Variants in MYO1D observed in about 807,000 individuals in gnomAD.
MYO1D encodes the protein myosin ID.
In MYO1D, 83 loss-of-function variants were observed where a neutral mutation model predicts 122.0. That is an observed-to-expected ratio of 0.68 (90% CI 0.57 to 0.82). MYO1D has a LOEUF of 0.82. Ranked by LOEUF, MYO1D falls within the 40% of genes least tolerant of loss-of-function variation. The pLI is 0.00. For synonymous variants in MYO1D, 464 were observed against 446.9 expected, an observed-to-expected ratio of 1.04 and a Z score of -0.48; for missense variants, 1,157 against 1,269.5, an observed-to-expected ratio of 0.91 and a Z score of 1.35.
Position 32,544,139 on chromosome 17 carries a change from A to G in MYO1D, c.2865-49224T>C, listed in dbSNP as rs139746158. On this transcript the variant is annotated intron_variant, in intron 21 of 21. Coordinates refer to ENST00000318217, the MANE Select transcript of MYO1D (RefSeq NM_015194.3). ...GAGACAGGGTCTCACTCTGTTGCCC[A>G]CACTGGAGTGCAGTGGCATGACCAC... 9.4e-4 allele frequency among the ~76,000 whole-genome samples: 138 copies of G among 147,230 alleles called. 2 individuals are homozygous for G. The East Asian group carries it at 0.021, about 22-fold the overall frequency.
chr17:32,667,815 C>G (rs1338917423), intron 16 of MYO1D, among the ~76,000 whole-genome samples: 1 of 152,194 alleles, frequency 6.6e-6, no homozygotes, highest in Non-Finnish European at 1.5e-5. Context: ...ATTAACCTTG[C>G]AATTCTTTAG....
intron 20 of MYO1D, among the ~76,000 whole-genome samples, chr17:32,628,398 T>A (rs1480276946): frequency 6.6e-6 from 1 of 152,238 alleles, no homozygotes; most frequent in South Asian, 2.1e-4. Context: ...GTGAGAACAG[T>A]GTTTGCTGAA....
At chr17:32,594,694 T>C in intron 21 of MYO1D, 3 of 432,228 alleles carry the variant, frequency 6.9e-6, no homozygotes, top group Admixed American at 4.1e-5. Flanking sequence ...GAGACATCTA[T>C]TCAGTTCTGA....
At chr17:32,537,754 C>A (rs1910706140) in intron 21 of MYO1D, among the ~76,000 whole-genome samples, 1 of 152,152 alleles carries the variant, frequency 6.6e-6, no homozygotes, top group Non-Finnish European at 1.5e-5. Context: ...CTGAAGGAAA[C>A]AATGCTTACA....
At position 32,638,706 on chromosome 17, in the gene MYO1D, A is replaced by G. The variant is rs778838788; in HGVS notation, c.2709+16T>C. 1 of 1,543,076 alleles carries G rather than the reference A, an allele frequency of 6.5e-7. No individual in the cohort carries two copies. The highest frequency in any genetic ancestry group is 1.1e-5 in the South Asian group (1 of 88,884). On this transcript the variant is annotated intron_variant, in intron 20 of 21. Transcript: ENST00000318217. ...GGTTAAGAATCTTTATCCAGAGAGAAGCACAGAGGACTTACATTGTATAGA... is the reference window on the plus strand; with the variant it reads ...GGTTAAGAATCTTTATCCAGAGAGAGGCACAGAGGACTTACATTGTATAGA...
rs1908973765 is a variant in MYO1D at position 32,493,697 on chromosome 17, CCA to C, written c.*1060_*1061del. 2 of 152,488 alleles carry C rather than the reference CCA, an allele frequency of 1.3e-5. No individual in the cohort carries two copies. The highest frequency in any genetic ancestry group is 4.8e-5 in the African/African-American group (2 of 41,594). 9.4% of individuals were successfully genotyped at this position (152,488 alleles called of 1,614,324 possible). A position where few individuals can be genotyped will look rare whatever the true frequency, so the allele number is the denominator to read the frequency against. ...GGCAAGCTGGCAGTGCTCCCTGGCA[CCA>C]GTTTCACGGGCGCAGGCCCCAAGGG... is the stretch of plus-strand genomic sequence containing the variant. On this transcript the variant is annotated 3_prime_UTR_variant, in exon 22 of 22. Transcript: ENST00000318217.
chr17:32,817,444 T>C (rs1598123225), intron 1 of MYO1D, among the ~76,000 whole-genome samples: 1 of 152,214 alleles, frequency 6.6e-6, no homozygotes. Context: ...ATACATTCTA[T>C]GCCTTTTGAA....
At chr17:32,783,326 C>T (rs760307525) in intron 1 of MYO1D, among the ~76,000 whole-genome samples, 3 of 151,986 alleles carry the variant, frequency 2.0e-5, no homozygotes, top group Non-Finnish European at 2.9e-5. Context: ...ACTAATAGAC[C>T]ATTATGCTCT....
At chr17:32,586,242 T>C (rs1290234934) in intron 21 of MYO1D, among the ~76,000 whole-genome samples, 1 of 152,208 alleles carries the variant, frequency 6.6e-6, no homozygotes, top group Non-Finnish European at 1.5e-5. Flanking sequence ...CCTCTTAAAA[T>C]TCAGGGGGAA....
chr17:32,532,853 G>A (rs1465582772), intron 21 of MYO1D, among the ~76,000 whole-genome samples: 1 of 152,078 alleles, frequency 6.6e-6, no homozygotes, highest in Non-Finnish European at 1.5e-5. Context: ...CTACACTAAG[G>A]TTATTTTGTT....
Position 32,494,940 on chromosome 17 carries a change from G to C in MYO1D, c.2865-25C>G, listed in dbSNP as rs530879525. 1.9e-6 allele frequency: 3 copies of C among 1,574,036 alleles called. No individual in the cohort carries two copies. The South Asian group carries it at 3.4e-5, about 18-fold the overall frequency. On this transcript the variant is annotated intron_variant, in intron 21 of 21. Transcript: ENST00000318217. ...ACTGCAGGAACCAAAAACACCAGACGGGCAGTTAGCAGGCAGCATGAGAAC... is the reference window on the plus strand; with the variant it reads ...ACTGCAGGAACCAAAAACACCAGACCGGCAGTTAGCAGGCAGCATGAGAAC...
intron 1 of MYO1D, among the ~76,000 whole-genome samples, chr17:32,815,166 C>T (rs2090603207): frequency 1.3e-5 from 2 of 152,216 alleles, no homozygotes; most frequent in Non-Finnish European, 2.9e-5. Flanking sequence ...CTCACCTTTG[C>T]AGAGCTTAAC....
At chr17:32,603,741 G>A (rs2087591414) in intron 21 of MYO1D, among the ~76,000 whole-genome samples, 1 of 151,764 alleles carries the variant, frequency 6.6e-6, no homozygotes, top group Non-Finnish European at 1.5e-5. Flanking sequence ...TACCCAGGAT[G>A]GTCTCGATCT....
intron 16 of MYO1D, among the ~76,000 whole-genome samples, chr17:32,661,143 C>A (rs556556041): frequency 1.3e-5 from 2 of 152,024 alleles, no homozygotes; most frequent in African/African-American, 4.8e-5. Context: ...TTACAAGAAA[C>A]CTACTTTATA....
chr17:32,771,064 T>C, intron 6 of MYO1D, 61 bp downstream of exon 6: 2 of 1,266,800 alleles, frequency 1.6e-6, no homozygotes, highest in Non-Finnish European at 2.3e-6. Flanking sequence ...AATTATTGAA[T>C]GTCTCTTCTA....
chr17:32,861,185 C>A (rs1172743911), intron 1 of MYO1D, among the ~76,000 whole-genome samples: 1 of 116,542 alleles, frequency 8.6e-6, no homozygotes, highest in African/African-American at 3.4e-5. Context: ...TCTCCTGCTT[C>A]AGCCTCCCGA....
chr17:32,708,850 A>C (rs531487336), intron 16 of MYO1D, among the ~76,000 whole-genome samples: 3 of 152,172 alleles, frequency 2.0e-5, no homozygotes, highest in Non-Finnish European at 4.4e-5. Context: ...CTCTTTTAGA[A>C]TCTCTTTCCT....
intron 21 of MYO1D, among the ~76,000 whole-genome samples, chr17:32,601,803 G>A (rs1328224915): frequency 6.6e-6 from 1 of 152,220 alleles, no homozygotes; most frequent in Non-Finnish European, 1.5e-5. Context: ...GTGTAATAAT[G>A]TCAAGAACAG....
chr17:32,742,303 T>TC (rs1307145625), intron 13 of MYO1D, among the ~76,000 whole-genome samples: 13 of 152,292 alleles, frequency 8.5e-5, no homozygotes, highest in Non-Finnish European at 1.8e-4. Context: ...ATGGAATTAA[T>TC]CCCCCATGGA....
Sources: allele counts gnomAD v4.1 joint callset (sites outside exome capture counted in the v4.1 genomes callset), GRCh38; gene constraint gnomAD v4.1.1; transcripts MANE v1.5; gene names NCBI Gene and HGNC (gene_info 2026-07-23, HGNC 2026-07-21).